The following AK8 variants were observed in gnomAD, a reference collection of about 807,000 sequenced individuals.
AK8 encodes the protein ATP-AMP transphosphorylase 8.
A neutral mutation model predicts 54.6 loss-of-function variants in AK8; 44 were observed. That is an observed-to-expected ratio of 0.81 (90% CI 0.63 to 1.04). The LOEUF is 1.04. AK8 is among the 50% of genes least tolerant of loss of function. AK8 has a pLI of 0.00. For missense variants in AK8, 555 were observed against 613.6 expected (o/e 0.90, Z 1.01); for synonymous variants, 239 against 245.6 (o/e 0.97, Z 0.25).
Position 132,860,120 on chromosome 9 carries a change from A to G in AK8, c.333+3545T>C, listed in dbSNP as rs894825972. Among the ~76,000 whole-genome samples the G allele has an allele frequency of 2.6e-5, 4 of 151,980 alleles. No homozygotes were observed. Among genetic ancestry groups the G allele is most frequent in the Admixed American group, 1.3e-4 (2 of 15,268 alleles). On this transcript the variant is annotated intron_variant, in intron 4 of 12. Coordinates refer to ENST00000298545, the MANE Select transcript of AK8 (RefSeq NM_152572.3). This position sits in a 1 kb window ranked among gnomAD's most constrained non-coding sequence, Gnocchi z 4.4. ...CAATGACCTTGGCTGGTGTCCAGGG[A>G]CAGCCAGCGTCTTCAGGGCATCAAA... is the stretch of plus-strand genomic sequence containing the variant.
intron 10 of AK8, among the ~76,000 whole-genome samples, chr9:132,807,513 A>G (rs1054963973): frequency 6.6e-6 from 1 of 152,220 alleles, no homozygotes; most frequent in Non-Finnish European, 1.5e-5. Context: ...GAGGAAGTCC[A>G]AGCAACTCAT....
intron 2 of AK8, among the ~76,000 whole-genome samples, chr9:132,868,656 G>T (rs1843691865): frequency 6.6e-6 from 1 of 152,208 alleles, no homozygotes; most frequent in Non-Finnish European, 1.5e-5. Context: ...CACAGGAAGA[G>T]AAGCTCCCAA....
intron 11 of AK8, among the ~76,000 whole-genome samples, chr9:132,780,437 T>A (rs960195580): frequency 2.0e-5 from 3 of 152,090 alleles, no homozygotes; most frequent in Non-Finnish European, 4.4e-5. Context: ...GAAATGTCTG[T>A]GTGGAAGGTC....
intron 11 of AK8, among the ~76,000 whole-genome samples, chr9:132,759,401 C>T (rs1218121599): frequency 6.6e-6 from 1 of 152,118 alleles, no homozygotes; most frequent in African/African-American, 2.4e-5. Context: ...TCTTTTCATT[C>T]TTCAGATGAA....
chr9:132,836,493 G>C (rs1842330008), intron 5 of AK8, among the ~76,000 whole-genome samples: 1 of 152,220 alleles, frequency 6.6e-6, no homozygotes, highest in Non-Finnish European at 1.5e-5. Flanking sequence ...AGGAGCAACT[G>C]GCATTCCAGG....
At position 132,850,367 on chromosome 9, in the gene AK8, C is replaced by T. The variant is rs917616932; in HGVS notation, c.402+4490G>A. Among the ~76,000 whole-genome samples, 5 of 147,950 alleles carry T rather than the reference C, an allele frequency of 3.4e-5. No homozygotes were observed. The South Asian group carries it at 6.5e-4, about 19-fold the overall frequency. Reference sequence around the variant, plus strand: ...TCAGCCTCCCAAAGTGCTGGGATTACAGGCGTGAGCCACTGCATTCAACCC... The same window carrying T: ...TCAGCCTCCCAAAGTGCTGGGATTATAGGCGTGAGCCACTGCATTCAACCC... On this transcript the variant is annotated intron_variant, in intron 5 of 12. Coordinates refer to ENST00000298545, the MANE Select transcript of AK8 (RefSeq NM_152572.3).
chr9:132,817,197 C>G (rs432101), intron 9 of AK8, among the ~76,000 whole-genome samples: 30,971 of 152,138 alleles, frequency 0.2, 3,443 homozygotes, highest in East Asian at 0.44. Flanking sequence ...GAACACTCTA[C>G]TCCCACTTAA....
At chr9:132,805,586 C>T (rs1840681607) in intron 10 of AK8, among the ~76,000 whole-genome samples, 1 of 152,086 alleles carries the variant, frequency 6.6e-6, no homozygotes, top group Non-Finnish European at 1.5e-5. Context: ...CATTTTCATA[C>T]CGGAGAAAGA....
At chr9:132,759,085 A>G (rs1386667327) in intron 11 of AK8, among the ~76,000 whole-genome samples, 1 of 150,444 alleles carries the variant, frequency 6.6e-6, no homozygotes, top group Non-Finnish European at 1.5e-5. Flanking sequence ...AGTCCCAGCT[A>G]TTACGGAGGC....
intron 1 of AK8, chr9:132,877,955 TG>T: frequency 1.6e-6 from 2 of 1,238,824 alleles, no homozygotes; most frequent in Non-Finnish European, 2.3e-6. Context: ...TTCCTCCCCC[TG>T]GGTCCGCCTG....
intron 9 of AK8, among the ~76,000 whole-genome samples, chr9:132,816,354 CAA>C (rs35474843): frequency 8.8e-5 from 8 of 91,004 alleles, no homozygotes; most frequent in Admixed American, 1.3e-4. Context: ...GACTTTGTCT[CAA>C]AAAAAAAAAA....
chr9:132,758,116 A>G (rs1838280297), intron 11 of AK8, among the ~76,000 whole-genome samples: 1 of 152,224 alleles, frequency 6.6e-6, no homozygotes, highest in Non-Finnish European at 1.5e-5. Context: ...CAGTCATCCA[A>G]TTCTTTATTG....
In AK8 at chr9:132,878,199, C is replaced by T. The variant is rs781648805; in HGVS notation, c.57G>A (p.Glu19=). 1 of 1,478,554 alleles carries T rather than the reference C, an allele frequency of 6.8e-7. No individual in the cohort carries two copies. The highest frequency in any genetic ancestry group is 2.4e-5 in the Admixed American group (1 of 42,402). 91.6% of individuals were successfully genotyped at this position (1,478,554 alleles called of 1,614,324 possible). ...RIPPEMPQYG[E]ENHIFELMQN... ...GCATCAACTCGAAGATGTGGTTCTC[C>T]TCCCCGTACTGGGGCATCTCGGGGG... is the stretch of plus-strand genomic sequence containing the variant. The change falls in exon 1 of 13, where the codon GAG becomes GAA. Residue 19 remains glutamate (E), a synonymous_variant. Coordinates refer to ENST00000298545, the MANE Select transcript of AK8 (RefSeq NM_152572.3). The surrounding 1 kb of genome is among the most constrained non-coding windows in gnomAD (Gnocchi z 4.7).
At chr9:132,789,163 C>T (rs1248082136) in intron 11 of AK8, among the ~76,000 whole-genome samples, 3 of 151,990 alleles carry the variant, frequency 2.0e-5, no homozygotes, top group Non-Finnish European at 4.4e-5. Context: ...GGCGTGGTGG[C>T]AGGCACCTGT....
intron 5 of AK8, among the ~76,000 whole-genome samples, chr9:132,846,896 T>A (rs1412992371): frequency 6.6e-6 from 1 of 152,166 alleles, no homozygotes; most frequent in Non-Finnish European, 1.5e-5. Flanking sequence ...ACACTGGCCA[T>A]GTAGGGTCCC....
At chr9:132,776,301 T>G (rs1188256544) in intron 11 of AK8, among the ~76,000 whole-genome samples, 2 of 152,188 alleles carry the variant, frequency 1.3e-5, no homozygotes, top group Non-Finnish European at 2.9e-5. Flanking sequence ...GCAGGCCGGA[T>G]GACCCAGCCA....
In AK8 at chr9:132,779,324, T is replaced by C. The variant is rs566902271; in HGVS notation, c.1121+13310A>G. On this transcript the variant is annotated intron_variant, in intron 11 of 12. Transcript: ENST00000298545. Reference sequence around the variant, plus strand: ...TGTGTGTGCTTTATTTATTTATGTATTTATTCATTTTCGGAGAGACAAGGT... The same window carrying C: ...TGTGTGTGCTTTATTTATTTATGTACTTATTCATTTTCGGAGAGACAAGGT... Among the ~76,000 whole-genome samples the C allele has an allele frequency of 2.9e-4, 44 of 152,332 alleles. No homozygotes were observed. In the East Asian group the frequency reaches 6.0e-3, roughly 21 times the overall value.
At chr9:132,806,467 C>T (rs989976202) in intron 10 of AK8, among the ~76,000 whole-genome samples, 2 of 152,162 alleles carry the variant, frequency 1.3e-5, no homozygotes, top group African/African-American at 4.8e-5. Context: ...AAACACACCG[C>T]ATGCAAAGGC....
At chr9:132,821,763 AT>A (rs1841638925) in intron 9 of AK8, among the ~76,000 whole-genome samples, 3 of 121,136 alleles carry the variant, frequency 2.5e-5, no homozygotes, top group African/African-American at 1.1e-4. Flanking sequence ...AAATATATAC[AT>A]ATATGTATAT....
Sources: gnomAD v4.1 joint callset for allele counts (sites outside exome capture counted in the v4.1 genomes callset) on GRCh38, gnomAD v4.1.1 for gene constraint, Gnocchi (gnomAD v3.1) non-coding constraint, MANE v1.5 for transcripts, NCBI Gene and HGNC (gene_info 2026-07-23, HGNC 2026-07-21) for gene names.